The following NRF1 variants were observed in gnomAD, a reference collection of about 807,000 sequenced individuals.
NRF1 encodes the protein nuclear respiratory factor 1.
A neutral mutation model predicts 58.5 loss-of-function variants in NRF1; 5 were observed. The observed-to-expected ratio is 0.09, with a 90% confidence interval of 0.04 to 0.18. The LOEUF (loss-of-function observed/expected upper bound fraction) is 0.18. Ranked by LOEUF, NRF1 falls within the 10% of genes least tolerant of loss-of-function variation. The pLI is 1.00. For missense variants in NRF1, 288 were observed against 657.7 expected, an observed-to-expected ratio of 0.44 and a Z score of 6.15; for synonymous variants, 224 against 246.7, an observed-to-expected ratio of 0.91 and a Z score of 0.86.
At chr7:129,753,887 A>G (rs1804182445) in intron 10 of NRF1, among the ~76,000 whole-genome samples, 1 of 152,224 alleles carries the variant, frequency 6.6e-6, no homozygotes, top group Non-Finnish European at 1.5e-5. Context: ...GCCAGAAGAC[A>G]GGATAGGAGA....
intron 1 of NRF1, among the ~76,000 whole-genome samples, chr7:129,619,427 TATATATAC>T (rs1357441844): frequency 2.3e-4 from 19 of 81,088 alleles, no homozygotes; most frequent in East Asian, 1.9e-3. Context: ...TATATATATA[TATATATAC>T]ACACACACAC....
chr7:129,739,979 AAG>A (rs1229575296), intron 10 of NRF1, among the ~76,000 whole-genome samples: 1 of 152,164 alleles, frequency 6.6e-6, no homozygotes, highest in Non-Finnish European at 1.5e-5. Flanking sequence ...TAGACACTCA[AAG>A]AGGGGTACAG....
At chr7:129,615,062 A>G (rs1487075819) in intron 1 of NRF1, among the ~76,000 whole-genome samples, 1 of 152,244 alleles carries the variant, frequency 6.6e-6, no homozygotes, top group Non-Finnish European at 1.5e-5. Flanking sequence ...ATAACAATGA[A>G]CAGTAATTAC....
intron 10 of NRF1, among the ~76,000 whole-genome samples, chr7:129,754,145 C>A (rs576798440): frequency 1.3e-5 from 2 of 152,138 alleles, no homozygotes; most frequent in South Asian, 4.2e-4. Flanking sequence ...CTAAACTTTT[C>A]TTTTCTGATA....
chr7:129,691,173 G>A lies in NRF1; in HGVS notation c.606+627G>A, dbSNP rs564314076. Among the ~76,000 whole-genome samples, 3 of 152,094 alleles carry A rather than the reference G, an allele frequency of 2.0e-5. No homozygotes were observed. The South Asian group carries it at 6.2e-4, about 32-fold the overall frequency. On this transcript the variant is annotated intron_variant, in intron 5 of 10. Coordinates refer to ENST00000393232, the MANE Select transcript of NRF1 (RefSeq NM_005011.5). ...CAAAGTGCTGGGATTACAGGCATGA[G>A]CCACTGTGCCAGCCTGATTTCCTCT...
At chr7:129,649,183 A>G (rs1448069691) in intron 1 of NRF1, among the ~76,000 whole-genome samples, 1 of 152,116 alleles carries the variant, frequency 6.6e-6, no homozygotes, top group Non-Finnish European at 1.5e-5. Context: ...CCCCCTGAGG[A>G]GCAAACCCTA....
chr7:129,653,099 G>C (rs1009114379), intron 1 of NRF1, among the ~76,000 whole-genome samples: 11 of 152,074 alleles, frequency 7.2e-5, no homozygotes, highest in Non-Finnish European at 1.5e-4. Flanking sequence ...CCCAGCCCCT[G>C]GCGACTAATA....
chr7:129,654,101 G>A (rs938922388), intron 1 of NRF1, among the ~76,000 whole-genome samples: 1 of 152,226 alleles, frequency 6.6e-6, no homozygotes, highest in Admixed American at 6.5e-5. Context: ...CAGTGAAATA[G>A]AGTTCCTGTT....
chr7:129,698,424 C>G (rs1802748365), intron 5 of NRF1, among the ~76,000 whole-genome samples: 1 of 151,816 alleles, frequency 6.6e-6, no homozygotes, highest in African/African-American at 2.4e-5. Context: ...TTCTAGGCAC[C>G]TTTAAGAATA....
intron 1 of NRF1, among the ~76,000 whole-genome samples, chr7:129,616,304 TG>T (rs1363783709): frequency 6.6e-6 from 1 of 152,164 alleles, no homozygotes; most frequent in Non-Finnish European, 1.5e-5. Context: ...AAACAATGGC[TG>T]GTTATGGTGG....
chr7:129,688,608 A>G (rs980620164), intron 4 of NRF1, among the ~76,000 whole-genome samples: 4 of 152,182 alleles, frequency 2.6e-5, no homozygotes, highest in Admixed American at 2.6e-4. Context: ...TTACAGTTCC[A>G]CATGGCTAGG....
At chr7:129,680,530 G>A (rs1270560399) in intron 4 of NRF1, among the ~76,000 whole-genome samples, 2 of 152,224 alleles carry the variant, frequency 1.3e-5, no homozygotes, top group Non-Finnish European at 2.9e-5. Flanking sequence ...TTGCCAAAAA[G>A]TGGAAACAAC....
chr7:129,740,504 C>T, intron 10 of NRF1, among the ~76,000 whole-genome samples: 1 of 152,156 alleles, frequency 6.6e-6, no homozygotes. Flanking sequence ...GGTGGAAGTC[C>T]CATCATATCC....
chr7:129,752,691 AAAAAAAT>A (rs1279608492), intron 10 of NRF1, among the ~76,000 whole-genome samples: 1 of 152,140 alleles, frequency 6.6e-6, no homozygotes, highest in Non-Finnish European at 1.5e-5. Flanking sequence ...GTCACTATTT[AAAAAAAT>A]AAAAAATAAA....
chr7:129,747,582 T>C (rs1384489062), intron 10 of NRF1, among the ~76,000 whole-genome samples: 1 of 152,164 alleles, frequency 6.6e-6, no homozygotes, highest in Non-Finnish European at 1.5e-5. Flanking sequence ...AGCACTGTAA[T>C]AGATTTTAAT....
At chr7:129,646,912 A>G (rs1801418454) in intron 1 of NRF1, among the ~76,000 whole-genome samples, 1 of 152,208 alleles carries the variant, frequency 6.6e-6, no homozygotes, top group African/African-American at 2.4e-5. Flanking sequence ...GCCTGGGTGT[A>G]GCTTTAGTTA....
intron 4 of NRF1, among the ~76,000 whole-genome samples, chr7:129,682,210 A>C (rs1424670221): frequency 6.6e-6 from 1 of 152,064 alleles, no homozygotes; most frequent in East Asian, 1.9e-4. Context: ...GTATAATCCC[A>C]GCACTTTGGG....
intron 9 of NRF1, among the ~76,000 whole-genome samples, chr7:129,719,211 CA>C (rs1237017537): frequency 2.0e-5 from 3 of 151,942 alleles, no homozygotes; most frequent in Admixed American, 6.6e-5. Flanking sequence ...CGGCTCACCA[CA>C]ACCTCCGCCT....
intron 10 of NRF1, among the ~76,000 whole-genome samples, chr7:129,744,698 GTC>G (rs1281890130): frequency 1.2e-4 from 19 of 152,168 alleles, no homozygotes. Flanking sequence ...CCCCATTACT[GTC>G]TATTTCCACT....
Sources: gnomAD v4.1 joint callset for allele counts (sites outside exome capture counted in the v4.1 genomes callset) on GRCh38, gnomAD v4.1.1 for gene constraint, MANE v1.5 for transcripts, NCBI Gene and HGNC (gene_info 2026-07-23, HGNC 2026-07-21) for gene names.